The following DCLK2 variants were observed in gnomAD, a reference collection of about 807,000 sequenced individuals.
The protein encoded by DCLK2 is doublecortin like kinase 2.
DCLK2 carries 31 observed loss-of-function variants against 78.4 expected under a neutral mutation model. That is an observed-to-expected ratio of 0.40 (90% CI 0.30 to 0.53). The LOEUF (loss-of-function observed/expected upper bound fraction) is 0.53. Ranked by LOEUF, DCLK2 falls within the 20% of genes least tolerant of loss-of-function variation. DCLK2 has a pLI of 0.61. For synonymous variants in DCLK2, 407 were observed against 374.9 expected (o/e 1.09, Z -0.99); for missense variants, 872 against 973.7 (o/e 0.90, Z 1.39).
In DCLK2 at chr4:150,101,564, T is replaced by A. The variant is rs1006762011; in HGVS notation, c.422-914T>A. Among the ~76,000 whole-genome samples the A allele has an allele frequency of 2.6e-5, 4 of 152,160 alleles. No individual in the cohort carries two copies. The East Asian group carries it at 7.7e-4, about 29-fold the overall frequency. On this transcript the variant is annotated intron_variant, in intron 1 of 15. Coordinates refer to ENST00000296550, the MANE Select transcript of DCLK2 (RefSeq NM_001040260.4). ...GAAAAACCTTAGTATAACCCTCTTA[T>A]CTTGTATGTCAAAAAGTCAAGAGTA...
At chr4:150,247,211 G>T (rs959905114) in intron 12 of DCLK2, among the ~76,000 whole-genome samples, 1 of 151,916 alleles carries the variant, frequency 6.6e-6, no homozygotes, top group Non-Finnish European at 1.5e-5. Flanking sequence ...TGTGTGTGTG[G>T]TAAATATACA....
At chr4:150,160,386 T>C (rs1735621548) in intron 2 of DCLK2, among the ~76,000 whole-genome samples, 1 of 152,196 alleles carries the variant, frequency 6.6e-6, no homozygotes, top group Admixed American at 6.5e-5. Context: ...ATGTTTGTTA[T>C]TTTGCAGCTT....
intron 1 of DCLK2, among the ~76,000 whole-genome samples, chr4:150,089,356 G>A (rs1357814603): frequency 6.6e-6 from 1 of 152,216 alleles, no homozygotes; most frequent in Non-Finnish European, 1.5e-5. Context: ...GGAGGAGAGT[G>A]TTCAGCAAAG....
chr4:150,227,313 C>T (rs1023613119), intron 8 of DCLK2, among the ~76,000 whole-genome samples: 16 of 152,168 alleles, frequency 1.1e-4, no homozygotes, highest in African/African-American at 3.9e-4. Flanking sequence ...CATGTATTCA[C>T]CTAAATTTTG....
intron 2 of DCLK2, among the ~76,000 whole-genome samples, chr4:150,190,053 G>GAAAAAAAAAAAAAAAA (rs1378760105): frequency 3.9e-4 from 5 of 12,958 alleles, no homozygotes; most frequent in African/African-American, 7.6e-4. Context: ...AAAAAAAAAG[G>GAAAAAAAAAAAAAAAA]CCAAGTGTGG....
intron 2 of DCLK2, among the ~76,000 whole-genome samples, chr4:150,192,323 A>T (rs1000881879): frequency 6.6e-6 from 1 of 152,004 alleles, no homozygotes; most frequent in African/African-American, 2.4e-5. Context: ...TACTAAAAAT[A>T]TAAAAAATTA....
intron 1 of DCLK2, among the ~76,000 whole-genome samples, chr4:150,097,092 C>T (rs1029808700): frequency 7.3e-5 from 11 of 151,280 alleles, no homozygotes; most frequent in African/African-American, 1.2e-4. Flanking sequence ...AGGAAAAGGA[C>T]GTGCGAAAAA....
intron 2 of DCLK2, chr4:150,175,727 C>A (rs1216473807): frequency 6.6e-6 from 1 of 152,168 alleles, no homozygotes; most frequent in African/African-American, 2.4e-5. Flanking sequence ...GTTGTAATTT[C>A]TGTGAGCTTA....
intron 2 of DCLK2, among the ~76,000 whole-genome samples, chr4:150,185,477 G>A (rs1412992665): frequency 2.0e-5 from 3 of 151,794 alleles, no homozygotes; most frequent in African/African-American, 4.8e-5. Context: ...GTAATGGGAG[G>A]CCAATGCGGG....
rs184351727 is a variant in DCLK2, at chr4:150,116,283, G to A, written c.756+13471G>A. Among the ~76,000 whole-genome samples the A allele has an allele frequency of 3.9e-5, 6 of 152,322 alleles. No homozygotes were observed. The East Asian group carries it at 1.2e-3, about 29-fold the overall frequency. On this transcript the variant is annotated intron_variant, in intron 2 of 15. Coordinates refer to ENST00000296550, the MANE Select transcript of DCLK2 (RefSeq NM_001040260.4). ...CTGCTGTGTCTTCAGCAGTAGGTGA[G>A]GGGGAGAAGAAGCACTCCCTTCTCC...
intron 10 of DCLK2, among the ~76,000 whole-genome samples, chr4:150,237,639 C>T (rs1046247040): frequency 9.2e-5 from 14 of 152,134 alleles, no homozygotes; most frequent in African/African-American, 2.2e-4. Context: ...GAGAGCCCTG[C>T]GGTTCTCCAT....
At chr4:150,119,035 C>A (rs1009109657) in intron 2 of DCLK2, among the ~76,000 whole-genome samples, 1 of 54,014 alleles carries the variant, frequency 1.9e-5, no homozygotes, top group East Asian at 3.1e-4. Context: ...CTCAAAATAA[C>A]AATAATAATA....
chr4:150,234,766 A>AG (rs1560895764), intron 10 of DCLK2, among the ~76,000 whole-genome samples: 11 of 149,780 alleles, frequency 7.3e-5, no homozygotes, highest in Non-Finnish European at 1.3e-4. Flanking sequence ...AAAAAAAAAA[A>AG]AGGGGGATTG....
intron 5 of DCLK2, among the ~76,000 whole-genome samples, chr4:150,212,938 A>G (rs1043028791): frequency 1.3e-5 from 2 of 152,186 alleles, no homozygotes; most frequent in Admixed American, 1.3e-4. Context: ...AGTAGCCTCC[A>G]TAGTTATAAC....
chr4:150,171,535 CA>C (rs1396504178), intron 2 of DCLK2, among the ~76,000 whole-genome samples: 1 of 152,180 alleles, frequency 6.6e-6, no homozygotes, highest in Non-Finnish European at 1.5e-5. Context: ...GGCTTTGCTG[CA>C]GCTGTTCATT....
chr4:150,096,581 A>C (rs1730478450), intron 1 of DCLK2, among the ~76,000 whole-genome samples: 1 of 152,170 alleles, frequency 6.6e-6, no homozygotes. Context: ...GGAGCAACCT[A>C]AGAAATGTGA....
At chr4:150,237,280 T>G (rs150018247) in intron 10 of DCLK2, among the ~76,000 whole-genome samples, 1,600 of 152,260 alleles carry the variant, frequency 0.011, 28 homozygotes, top group African/African-American at 0.036. Flanking sequence ...TTAAACATAA[T>G]GGGTGGAAAG....
intron 5 of DCLK2, among the ~76,000 whole-genome samples, chr4:150,216,995 T>G (rs535248859): frequency 3.1e-4 from 47 of 152,322 alleles, no homozygotes; most frequent in African/African-American, 1.1e-3. Flanking sequence ...AGGCACTTTC[T>G]TTGTGCTGTC....
At chr4:150,177,859 T>C (rs1737202419) in intron 2 of DCLK2, among the ~76,000 whole-genome samples, 1 of 152,192 alleles carries the variant, frequency 6.6e-6, no homozygotes, top group African/African-American at 2.4e-5. Context: ...GTTGGAAGGA[T>C]ATATGCCAAA....
Sources: allele counts gnomAD v4.1 joint callset (sites outside exome capture counted in the v4.1 genomes callset), GRCh38; gene constraint gnomAD v4.1.1; transcripts MANE v1.5; gene names NCBI Gene and HGNC (gene_info 2026-07-23, HGNC 2026-07-21).